Variants in GBF1 observed in about 807,000 individuals in gnomAD.
The protein encoded by GBF1 is golgi brefeldin A resistant guanine nucleotide exchange factor 1.
A neutral mutation model predicts 210.5 loss-of-function variants in GBF1; 114 were observed. That is an observed-to-expected ratio of 0.54 (90% CI 0.47 to 0.63). The LOEUF (loss-of-function observed/expected upper bound fraction) is 0.63. Among genes scored for constraint, GBF1 ranks in the 30% least tolerant of loss-of-function variants. GBF1 has a pLI of 0.00. For missense variants in GBF1, 1,851 were observed against 2,357.7 expected (o/e 0.79, Z 4.45); for synonymous variants, 850 against 889.2 (o/e 0.96, Z 0.78).
chr10:102,362,726 T>C, intron 15 of GBF1, 62 bp downstream of exon 15: 4 of 1,355,492 alleles, frequency 3.0e-6, no homozygotes, highest in African/African-American at 2.9e-5. Context: ...CTCTACTCTC[T>C]GAGTCGTTTT....
rs759653917 is a variant in GBF1 at position 102,344,037 on chromosome 10, G to A, written c.164-14G>A. The A allele has an allele frequency of 3.7e-5, 60 of 1,609,842 alleles. No individual in the cohort carries two copies. Among genetic ancestry groups the A allele is most frequent in the Non-Finnish European group, 4.8e-5 (57 of 1,176,378 alleles). ...TTAGATGATACCTCTTCATTTCTGT[G>A]TATTTTCTTGCAGAACTCTCAGAAA... On this transcript the variant is annotated splice_polypyrimidine_tract_variant and intron_variant, in intron 3 of 39. Coordinates refer to ENST00000369983, the MANE Select transcript of GBF1 (RefSeq NM_001377137.1).
chr10:102,259,733 TA>T (rs2072945692), intron 2 of GBF1, among the ~76,000 whole-genome samples: 1 of 152,166 alleles, frequency 6.6e-6, no homozygotes, highest in African/African-American at 2.4e-5. Context: ...TATGATGACA[TA>T]GTGGGTATGA....
chr10:102,296,016 C>T (rs1289615105), intron 3 of GBF1, among the ~76,000 whole-genome samples: 4 of 152,048 alleles, frequency 2.6e-5, no homozygotes, highest in African/African-American at 9.7e-5. Context: ...TCTCAATAAA[C>T]TCATTTATTG....
chr10:102,367,134 C>T lies in GBF1; in HGVS notation c.2483C>T (p.Ala828Val). 6.2e-7 allele frequency: 1 copy of T among 1,613,880 alleles called. No homozygotes were observed. The highest frequency in any genetic ancestry group is 8.5e-7 in the Non-Finnish European group (1 of 1,179,772). The part of the protein sequence containing the change: ...FANSDACFSL[A>V]YAVIMLNTDQ... ...AATAGCGATGCCTGCTTTTCCCTGGCCTATGCTGTCATCATGCTTAATACT... is the reference window on the plus strand; with the variant it reads ...AATAGCGATGCCTGCTTTTCCCTGGTCTATGCTGTCATCATGCTTAATACT... The change falls in exon 20 of 40, where the codon GCC becomes GTC. Residue 828 changes from alanine to valine, a missense_variant. Ala to Val is a moderately conservative substitution (Grantham distance 64, BLOSUM62 0). Around this residue, in one of 3 missense-constraint regions of GBF1, gnomAD observed 80 missense variants for 151.4 expected, o/e 0.53. Transcript: ENST00000369983.
chr10:102,277,868 C>T (rs1049611546), intron 3 of GBF1, among the ~76,000 whole-genome samples: 11 of 152,046 alleles, frequency 7.2e-5, no homozygotes, highest in African/African-American at 2.7e-4. Flanking sequence ...CCAAGGATCA[C>T]AAATTACATT....
intron 12 of GBF1, 133 bp downstream of exon 12, chr10:102,360,528 A>G (rs1286239642): frequency 1.5e-6 from 1 of 645,860 alleles, no homozygotes; most frequent in East Asian, 2.7e-5. Context: ...TAGTTTTAGT[A>G]AGAGGGTTCC....
In GBF1 at chr10:102,358,621, T is replaced by C. The variant is rs1398116210; in HGVS notation, c.903T>C (p.Thr301=). Residue 301 remains threonine, a synonymous_variant, in exon 10 of 40, where the codon ACT becomes ACC. Coordinates refer to ENST00000369983, the MANE Select transcript of GBF1 (RefSeq NM_001377137.1). ...GCCTGGAATTCTCCTCCCAAACCAC[T>C]TCCAAGGAAGACCTTACTGATCTAG... is the stretch of plus-strand genomic sequence containing the variant. The part of the protein sequence containing the change: ...DSGLEFSSQT[T]SKEDLTDLEQ... 2 of 1,613,808 alleles carry C rather than the reference T, an allele frequency of 1.2e-6. No homozygotes were observed. The highest frequency in any genetic ancestry group is 1.7e-5 in the Admixed American group (1 of 60,022).
chr10:102,240,105 T>C, the GBF1 span, among the ~76,000 whole-genome samples: 2 of 152,244 alleles, frequency 1.3e-5, no homozygotes, highest in East Asian at 3.8e-4. Flanking sequence ...TCCTGCCCAC[T>C]GTAGGGAAGG....
At chr10:102,321,693 C>A (rs1490478828) in intron 3 of GBF1, among the ~76,000 whole-genome samples, 2 of 152,152 alleles carry the variant, frequency 1.3e-5, no homozygotes, top group Non-Finnish European at 2.9e-5. Flanking sequence ...TCTCAGCCTC[C>A]CGAGTAGCTG....
intron 3 of GBF1, among the ~76,000 whole-genome samples, chr10:102,315,454 T>C (rs998352487): frequency 6.6e-6 from 1 of 152,152 alleles, no homozygotes; most frequent in Non-Finnish European, 1.5e-5. Flanking sequence ...GAACATCGGT[T>C]CCCCAACCTT....
chr10:102,320,234 A>T (rs1159506064), intron 3 of GBF1, among the ~76,000 whole-genome samples: 2 of 152,116 alleles, frequency 1.3e-5, no homozygotes, highest in Non-Finnish European at 2.9e-5. Context: ...TCGAAACTTG[A>T]TGGCTCTGCT....
chr10:102,342,017 G>A (rs1007720325), intron 3 of GBF1, among the ~76,000 whole-genome samples: 1 of 151,306 alleles, frequency 6.6e-6, no homozygotes, highest in African/African-American at 2.4e-5. Flanking sequence ...AAGACTAGAT[G>A]ACTTTACATT....
chr10:102,353,029 G>GT, intron 7 of GBF1, among the ~76,000 whole-genome samples: 2 of 152,292 alleles, frequency 1.3e-5, no homozygotes, highest in East Asian at 3.9e-4. Context: ...TACTAGGCCT[G>GT]TTTCCTGCAC....
At chr10:102,262,337 A>G (rs2073342069) in intron 3 of GBF1, among the ~76,000 whole-genome samples, 2 of 151,868 alleles carry the variant, frequency 1.3e-5, no homozygotes, top group African/African-American at 4.8e-5. Context: ...GGCTACTTGC[A>G]CAGATTTTTT....
chr10:102,346,542 T>G (rs2058585208), intron 4 of GBF1, among the ~76,000 whole-genome samples: 1 of 152,240 alleles, frequency 6.6e-6, no homozygotes, highest in Non-Finnish European at 1.5e-5. Flanking sequence ...AGGGTCTTGC[T>G]CTGTCACCCA....
intron 3 of GBF1, among the ~76,000 whole-genome samples, chr10:102,322,258 AC>A (rs968182124): frequency 6.6e-6 from 1 of 152,212 alleles, no homozygotes; most frequent in African/African-American, 2.4e-5. Flanking sequence ...TTTTTCAAAG[AC>A]CTTTAAGATT....
At chr10:102,303,176 T>C (rs182245252) in intron 3 of GBF1, among the ~76,000 whole-genome samples, 167 of 152,086 alleles carry the variant, frequency 1.1e-3, no homozygotes, top group African/African-American at 4.0e-3. Flanking sequence ...TAGGTAGAGA[T>C]GGGGTTTCAC....
intron 3 of GBF1, among the ~76,000 whole-genome samples, chr10:102,322,718 CAAAAAAAAAAAAA>C (rs61470777): frequency 7.5e-5 from 6 of 80,480 alleles, no homozygotes; most frequent in African/African-American, 2.0e-4. Context: ...CTCATCTCTA[CAAAAAAAAAAAAA>C]AAAAAAAAAA....
At chr10:102,279,485 C>T (rs533644988) in intron 3 of GBF1, among the ~76,000 whole-genome samples, 15 of 152,286 alleles carry the variant, frequency 9.8e-5, no homozygotes, top group African/African-American at 3.4e-4. Context: ...TAAGCACTTC[C>T]ACTTAAGCTT....
Sources: gnomAD v4.1 joint callset for allele counts (sites outside exome capture counted in the v4.1 genomes callset) on GRCh38, gnomAD v4.1.1 for gene constraint, gnomAD v4.1.1 regional missense constraint, MANE v1.5 for transcripts, NCBI Gene and HGNC (gene_info 2026-07-23, HGNC 2026-07-21) for gene names.